Variants in JMJD1C observed in about 807,000 individuals in gnomAD.
The protein encoded by JMJD1C is jumonji domain-containing protein 1C.
A neutral mutation model predicts 245.3 loss-of-function variants in JMJD1C; 31 were observed. The observed-to-expected ratio is 0.13, with a 90% confidence interval of 0.09 to 0.17. JMJD1C has a LOEUF of 0.17. Ranked by LOEUF, JMJD1C falls within the 10% of genes least tolerant of loss-of-function variation. The pLI is 1.00. For synonymous variants in JMJD1C, 1,057 were observed against 1,017.4 expected (o/e 1.04, Z -0.74); for missense variants, 2,691 against 3,000.2 (o/e 0.90, Z 2.41).
intron 16 of JMJD1C, among the ~76,000 whole-genome samples, chr10:63,192,722 C>CA (rs1415966453): frequency 1.3e-5 from 2 of 151,366 alleles, no homozygotes; most frequent in South Asian, 4.2e-4. Flanking sequence ...GTGATAGTCT[C>CA]AAAAAAACAA....
At chr10:63,347,331 C>G (rs1333805806) in intron 2 of JMJD1C, among the ~76,000 whole-genome samples, 1 of 151,988 alleles carries the variant, frequency 6.6e-6, no homozygotes, top group Non-Finnish European at 1.5e-5. Context: ...CGCCTGTAAT[C>G]CCAGCACTTT....
intron 1 of JMJD1C, among the ~76,000 whole-genome samples, chr10:63,509,495 CT>C (rs150171490): frequency 1.4e-4 from 21 of 152,236 alleles, no homozygotes; most frequent in Non-Finnish European, 2.2e-4. Flanking sequence ...TAAGTTTTTC[CT>C]TAAATATTTG....
chr10:63,412,442 TA>T (rs2132672174), intron 1 of JMJD1C, among the ~76,000 whole-genome samples: 1 of 152,322 alleles, frequency 6.6e-6, no homozygotes, highest in African/African-American at 2.4e-5. Flanking sequence ...GATCATTTCT[TA>T]TTGCAATATG....
intron 1 of JMJD1C, among the ~76,000 whole-genome samples, chr10:63,413,211 A>C (rs1949590214): frequency 6.6e-6 from 1 of 152,196 alleles, no homozygotes; most frequent in South Asian, 2.1e-4. Flanking sequence ...TATCTCTTAA[A>C]GAGGTAACAG....
chr10:63,295,972 T>TACCC (rs1859352041), intron 2 of JMJD1C, among the ~76,000 whole-genome samples: 1 of 29,792 alleles, frequency 3.4e-5, no homozygotes. Context: ...TGTGTGTGTG[T>TACCC]GTGTGTGTGT....
intron 1 of JMJD1C, among the ~76,000 whole-genome samples, chr10:63,395,721 G>C (rs966876844): frequency 6.6e-6 from 1 of 152,228 alleles, no homozygotes. Flanking sequence ...CCAAAATGAA[G>C]TGGGACAAAC....
chr10:63,426,217 A>G (rs985919066), intron 1 of JMJD1C, among the ~76,000 whole-genome samples: 10 of 151,996 alleles, frequency 6.6e-5, no homozygotes, highest in African/African-American at 2.4e-4. Flanking sequence ...TCTCTCTACA[A>G]AAAAATTTAA....
At chr10:63,297,698 T>C (rs1859610119) in intron 2 of JMJD1C, among the ~76,000 whole-genome samples, 1 of 151,858 alleles carries the variant, frequency 6.6e-6, no homozygotes, top group Admixed American at 6.6e-5. Flanking sequence ...CTCCACCAGG[T>C]AGCCACCCCA....
intron 2 of JMJD1C, among the ~76,000 whole-genome samples, chr10:63,277,022 CG>C (rs1354071739): frequency 6.7e-6 from 1 of 150,008 alleles, no homozygotes; most frequent in African/African-American, 2.5e-5. Context: ...GCTGGGACTA[CG>C]GGCACCCACC....
At chr10:63,382,140 G>A (rs1168120714) in intron 1 of JMJD1C, among the ~76,000 whole-genome samples, 2 of 152,172 alleles carry the variant, frequency 1.3e-5, no homozygotes, top group African/African-American at 4.8e-5. Flanking sequence ...GAATCCAGGA[G>A]GCGGAGGTTG....
intron 2 of JMJD1C, among the ~76,000 whole-genome samples, chr10:63,306,077 C>G (rs1030836698): frequency 4.6e-5 from 7 of 151,782 alleles, no homozygotes; most frequent in African/African-American, 1.2e-4. Flanking sequence ...TAGTTTATCA[C>G]GTTTTTTTAA....
chr10:63,408,247 C>T (rs1949281840), intron 1 of JMJD1C, among the ~76,000 whole-genome samples: 1 of 151,834 alleles, frequency 6.6e-6, no homozygotes, highest in East Asian at 1.9e-4. Flanking sequence ...ACTAAAAATA[C>T]AAAAAATTAG....
intron 4 of JMJD1C, among the ~76,000 whole-genome samples, chr10:63,217,943 A>G (rs1346995416): frequency 6.6e-6 from 1 of 152,118 alleles, no homozygotes; most frequent in African/African-American, 2.4e-5. Flanking sequence ...AATAATAAAA[A>G]ATATTAAACA....
intron 2 of JMJD1C, among the ~76,000 whole-genome samples, chr10:63,297,365 C>T (rs1196780855): frequency 3.3e-5 from 5 of 152,174 alleles, no homozygotes; most frequent in African/African-American, 7.2e-5. Context: ...CAGGCTTGGA[C>T]ACTCATCAGG....
intron 2 of JMJD1C, among the ~76,000 whole-genome samples, chr10:63,309,695 G>A (rs1052074869): frequency 6.6e-6 from 1 of 151,778 alleles, no homozygotes; most frequent in Non-Finnish European, 1.5e-5. Context: ...AAGGCGAGCG[G>A]ATCACGAGGT....
At chr10:63,443,297 TTTTTTTTGTTTTG>T (rs1052528101) in intron 1 of JMJD1C, among the ~76,000 whole-genome samples, 1 of 151,824 alleles carries the variant, frequency 6.6e-6, no homozygotes, top group African/African-American at 2.4e-5. Flanking sequence ...CAGGGTTTTG[TTTTTTTTGTTTTG>T]TTTTGCTTTT....
chr10:63,402,233 C>T (rs548503174), intron 1 of JMJD1C, among the ~76,000 whole-genome samples: 1 of 151,880 alleles, frequency 6.6e-6, no homozygotes, highest in African/African-American at 2.4e-5. Context: ...GAAAAAAATG[C>T]TCAATATCAC....
At chr10:63,256,496 T>A (rs975332444) in intron 3 of JMJD1C, among the ~76,000 whole-genome samples, 1 of 152,172 alleles carries the variant, frequency 6.6e-6, no homozygotes, top group South Asian at 2.1e-4. Flanking sequence ...AACAAGGAAG[T>A]ATATTGACTC....
intron 1 of JMJD1C, chr10:63,521,270 C>A (rs1384020847): frequency 6.7e-6 from 1 of 149,708 alleles, no homozygotes; most frequent in Non-Finnish European, 1.5e-5. Flanking sequence ...CGGGCCAACG[C>A]GCCGCCGCCA....
Sources: gnomAD v4.1 joint callset for allele counts (sites outside exome capture counted in the v4.1 genomes callset) on GRCh38, gnomAD v4.1.1 for gene constraint, MANE v1.5 for transcripts, NCBI Gene and HGNC (gene_info 2026-07-23, HGNC 2026-07-21) for gene names.